LDAH: variants seen among roughly 807,000 people sequenced by gnomAD.
The protein encoded by LDAH is lipid droplet associated hydrolase.
In LDAH, 26 loss-of-function variants were observed where a neutral mutation model predicts 29.6. The ratio of observed to expected loss-of-function variants is 0.88; its 90% CI spans 0.64 to 1.22. The LOEUF (loss-of-function observed/expected upper bound fraction) is 1.22. Among genes scored for constraint, LDAH ranks in the 50% most tolerant of loss-of-function variants. The probability of loss-of-function intolerance (pLI) is 0.00; values close to 1 mark genes in which losing one functional copy is unlikely to be tolerated. For missense variants in LDAH, 344 were observed against 387.3 expected (o/e 0.89, Z 0.94); for synonymous variants, 117 against 133.0 (o/e 0.88, Z 0.83).
At chr2:20,730,185 T>C (rs1666301610) in intron 5 of LDAH, among the ~76,000 whole-genome samples, 1 of 152,250 alleles carries the variant, frequency 6.6e-6, no homozygotes, top group Non-Finnish European at 1.5e-5. Context: ...GGTATGGCTT[T>C]ACCACAGTTT....
At chr2:20,752,064 G>A (rs141127598) in intron 4 of LDAH, among the ~76,000 whole-genome samples, 338 of 152,080 alleles carry the variant, frequency 2.2e-3, no homozygotes, top group African/African-American at 7.7e-3. Flanking sequence ...GCTAATTTTT[G>A]TATTTTTTGT....
chr2:20,710,588 GT>G, intron 5 of LDAH, among the ~76,000 whole-genome samples: 1 of 129,942 alleles, frequency 7.7e-6, no homozygotes, highest in Middle Eastern at 3.6e-3. Context: ...ATATAGGGGT[GT>G]GTGTGTGTGT....
intron 1 of LDAH, among the ~76,000 whole-genome samples, chr2:20,808,606 A>G (rs1672249237): frequency 6.6e-6 from 1 of 151,422 alleles, no homozygotes; most frequent in Non-Finnish European, 1.5e-5. Context: ...TGCAGTGAGC[A>G]GAGATCATGC....
intron 3 of LDAH, among the ~76,000 whole-genome samples, chr2:20,777,997 A>G (rs879810041): frequency 2.6e-5 from 4 of 152,336 alleles, no homozygotes; most frequent in Admixed American, 1.3e-4. Flanking sequence ...CACATTTGGA[A>G]CATAATCTAA....
At chr2:20,704,514 A>G (rs1049007520) in intron 5 of LDAH, among the ~76,000 whole-genome samples, 3 of 152,246 alleles carry the variant, frequency 2.0e-5, no homozygotes, top group African/African-American at 7.2e-5. Context: ...TATAATGTCA[A>G]ATACATATTT....
intron 3 of LDAH, 61 bp downstream of exon 3, chr2:20,790,194 C>A (rs903776500): frequency 6.4e-7 from 1 of 1,561,470 alleles, no homozygotes; most frequent in South Asian, 1.2e-5. Flanking sequence ...CCTTAGCAAG[C>A]TTGCTAGAAA....
chr2:20,781,238 CT>C (rs35835239), intron 3 of LDAH, among the ~76,000 whole-genome samples: 4 of 152,138 alleles, frequency 2.6e-5, no homozygotes, highest in African/African-American at 7.2e-5. Flanking sequence ...TCTTTTCACA[CT>C]TTTTTTCCCC....
At chr2:20,795,309 A>C (rs1671231632) in intron 2 of LDAH, among the ~76,000 whole-genome samples, 1 of 152,150 alleles carries the variant, frequency 6.6e-6, no homozygotes, top group South Asian at 2.1e-4. Flanking sequence ...GAGGAACGAA[A>C]ACTGCCACAT....
At chr2:20,773,858 G>A (rs1005644823) in intron 4 of LDAH, among the ~76,000 whole-genome samples, 6 of 152,108 alleles carry the variant, frequency 3.9e-5, no homozygotes, top group Admixed American at 3.9e-4. Flanking sequence ...AAGCAGCCAT[G>A]AAGCGATCAC....
intron 4 of LDAH, among the ~76,000 whole-genome samples, chr2:20,740,639 T>A (rs1335606498): frequency 2.6e-5 from 4 of 152,162 alleles, no homozygotes; most frequent in Admixed American, 2.6e-4. Context: ...CTAAAAAATA[T>A]CCTATCATCT....
chr2:20,702,973 T>G (rs951420542), intron 5 of LDAH, among the ~76,000 whole-genome samples: 1 of 152,176 alleles, frequency 6.6e-6, no homozygotes. Flanking sequence ...ATTACAGGCA[T>G]GCGCCACCAC....
At chr2:20,722,071 G>A (rs964509277) in intron 5 of LDAH, among the ~76,000 whole-genome samples, 1 of 152,102 alleles carries the variant, frequency 6.6e-6, no homozygotes, top group Non-Finnish European at 1.5e-5. Flanking sequence ...ATTCCTATGT[G>A]GGAGCTAAAA....
chr2:20,794,215 G>A (rs1671158277), intron 2 of LDAH, among the ~76,000 whole-genome samples: 1 of 152,094 alleles, frequency 6.6e-6, no homozygotes, highest in Non-Finnish European at 1.5e-5. Context: ...GATTTCATAA[G>A]ACTTATTCAC....
chr2:20,783,753 C>T (rs1348408051), intron 3 of LDAH, among the ~76,000 whole-genome samples: 1 of 152,096 alleles, frequency 6.6e-6, no homozygotes, highest in Non-Finnish European at 1.5e-5. Context: ...ACTCTGTCGC[C>T]CAGACTAGAG....
intron 5 of LDAH, among the ~76,000 whole-genome samples, chr2:20,724,870 T>G (rs149807220): frequency 3.2e-4 from 49 of 152,338 alleles, no homozygotes; most frequent in African/African-American, 1.2e-3. Context: ...TGATTCATAT[T>G]AGAATGCCCC....
In LDAH at chr2:20,703,074, C is replaced by T. The variant is rs571519667; in HGVS notation, c.704-1422G>A. Among the ~76,000 whole-genome samples the T allele has an allele frequency of 8.5e-5, 13 of 152,336 alleles. No individual in the cohort carries two copies. In the South Asian group the frequency reaches 2.7e-3, roughly 32 times the overall value. On this transcript the variant is annotated intron_variant, in intron 5 of 6. Coordinates refer to ENST00000237822, the MANE Select transcript of LDAH (RefSeq NM_021925.4). ...CTCCTGACCTCAGAAGATCCGCCTG[C>T]CTTGGCCTCTCAAAGTGCTGGGATT...
intron 5 of LDAH, among the ~76,000 whole-genome samples, chr2:20,712,974 T>G (rs912103353): frequency 6.6e-6 from 1 of 152,224 alleles, no homozygotes; most frequent in Non-Finnish European, 1.5e-5. Context: ...TTCAGGATAT[T>G]ATCCAGGAGA....
chr2:20,731,536 G>C (rs576120233), intron 5 of LDAH, among the ~76,000 whole-genome samples: 1 of 152,088 alleles, frequency 6.6e-6, no homozygotes. Flanking sequence ...ATTAATACAT[G>C]TTTACTATGT....
chr2:20,803,245 C>T (rs1671843353), intron 1 of LDAH, among the ~76,000 whole-genome samples: 1 of 152,192 alleles, frequency 6.6e-6, no homozygotes, highest in East Asian at 1.9e-4. Flanking sequence ...TACTAGGTGC[C>T]TGCAGGGGAA....
Sources: allele counts gnomAD v4.1 joint callset (sites outside exome capture counted in the v4.1 genomes callset), GRCh38; gene constraint gnomAD v4.1.1; transcripts MANE v1.5; gene names NCBI Gene and HGNC (gene_info 2026-07-23, HGNC 2026-07-21).